CFTR: variants seen among roughly 807,000 people sequenced by gnomAD.
CFTR encodes the protein cystic fibrosis transmembrane conductance regulator.
CFTR carries 181 observed loss-of-function variants against 171.6 expected under a neutral mutation model. The ratio of observed to expected loss-of-function variants is 1.05; its 90% CI spans 0.93 to 1.19. The LOEUF is 1.19. CFTR is among the 50% of genes most tolerant of loss of function. CFTR has a pLI of 0.00. For synonymous variants in CFTR, 583 were observed against 608.0 expected (o/e 0.96, Z 0.60); for missense variants, 1,968 against 1,734.7 (o/e 1.13, Z -2.39).
chr7:117,539,637 G>GAC (rs1322363703), intron 7 of CFTR, among the ~76,000 whole-genome samples: 1 of 151,878 alleles, frequency 6.6e-6, no homozygotes, highest in Admixed American at 6.6e-5. Context: ...GAATCCATTA[G>GAC]ACAATCACAG....
At chr7:117,612,303 A>C (rs1435749350) in intron 20 of CFTR, among the ~76,000 whole-genome samples, 1 of 150,714 alleles carries the variant, frequency 6.6e-6, no homozygotes, top group South Asian at 2.1e-4. Context: ...TTAAATCTCT[A>C]CTAGATAAAA....
intron 11 of CFTR, among the ~76,000 whole-genome samples, chr7:117,565,198 T>C (rs750910551): frequency 2.0e-5 from 3 of 152,350 alleles, no homozygotes; most frequent in South Asian, 2.1e-4. Context: ...TTGTAGCTAT[T>C]GTAAACAGCA....
intron 10 of CFTR, among the ~76,000 whole-genome samples, chr7:117,553,309 A>G (rs939904460): frequency 1.3e-5 from 2 of 152,202 alleles, no homozygotes; most frequent in East Asian, 1.9e-4. Context: ...CTATGATATA[A>G]TGAATCACTA....
At chr7:117,579,844 T>C (rs1459464325) in intron 11 of CFTR, among the ~76,000 whole-genome samples, 2 of 151,824 alleles carry the variant, frequency 1.3e-5, no homozygotes, top group African/African-American at 4.8e-5. Context: ...ATGTAATAAA[T>C]CATGCTTGCT....
chr7:117,515,320 T>G (rs545098251), intron 3 of CFTR, among the ~76,000 whole-genome samples: 1 of 152,298 alleles, frequency 6.6e-6, no homozygotes, highest in Non-Finnish European at 1.5e-5. Flanking sequence ...CTTGAGTTAA[T>G]TTTTGTATAA....
rs143218779 is a variant in CFTR, at chr7:117,559,478, G to T, written c.1407G>T (p.Met469Ile). 7 of 1,604,304 alleles carry T rather than the reference G, an allele frequency of 4.4e-6. No individual in the cohort carries two copies. In the East Asian group the frequency reaches 1.3e-4, roughly 31 times the overall value. The change falls in exon 11 of 27, where the codon ATG (methionine) becomes ATT (isoleucine). Residue 469 changes from methionine (M) to isoleucine (I), a missense_variant. By Grantham distance (10) the Met-to-Ile change is conservative. Transcript: ENST00000003084. ...TTTATTTCCAGACTTCACTTCTAAT[G>T]GTGATTATGGGAGAACTGGAGCCTT... The part of the protein sequence containing the change: ...STGAGKTSLL[M>I]VIMGELEPSE...
At chr7:117,579,519 A>C (rs1407290866) in intron 11 of CFTR, among the ~76,000 whole-genome samples, 4 of 151,884 alleles carry the variant, frequency 2.6e-5, no homozygotes, top group African/African-American at 9.7e-5. Flanking sequence ...ACAGTGCCTG[A>C]CATATAGTAA....
chr7:117,518,371 A>G (rs1483779697), intron 3 of CFTR, among the ~76,000 whole-genome samples: 2 of 147,038 alleles, frequency 1.4e-5, no homozygotes, highest in African/African-American at 4.9e-5. Flanking sequence ...ATTCTAAATA[A>G]ATATATAATA....
At chr7:117,538,343 A>G (rs559254991) in intron 7 of CFTR, among the ~76,000 whole-genome samples, 1 of 152,210 alleles carries the variant, frequency 6.6e-6, no homozygotes, top group Non-Finnish European at 1.5e-5. Context: ...GTCACTTTCA[A>G]TTTTAAAAAT....
At chr7:117,627,240 G>C (rs1792663753) in intron 21 of CFTR, among the ~76,000 whole-genome samples, 1 of 152,032 alleles carries the variant, frequency 6.6e-6, no homozygotes, top group African/African-American at 2.4e-5. Flanking sequence ...TCTCTTTGAT[G>C]TCATCTATTC....
At chr7:117,643,809 T>G (rs1017855420) in intron 23 of CFTR, among the ~76,000 whole-genome samples, 1 of 152,128 alleles carries the variant, frequency 6.6e-6, no homozygotes, top group South Asian at 2.1e-4. Context: ...TAATGAAAAA[T>G]GGTGAATTTT....
Position 117,611,601 on chromosome 7 carries a change from C to T in CFTR, c.3160C>T (p.His1054Tyr), listed in dbSNP as rs397508510. 3.1e-6 allele frequency: 5 copies of T among 1,610,310 alleles called. No individual in the cohort carries two copies. The highest frequency in any genetic ancestry group is 2.2e-5 in the East Asian group (1 of 44,840). Residue 1054 changes from histidine (H) to tyrosine (Y), a missense_variant, in exon 20 of 27, where the codon CAT (histidine) becomes TAT (tyrosine). By Grantham distance (83) the His-to-Tyr change is moderately conservative. Coordinates refer to ENST00000003084, the MANE Select transcript of CFTR (RefSeq NM_000492.4). ...CACAGGCAGGAGTCCAATTTTCACT[C>T]ATCTTGTTACAAGCTTAAAAGGACT... is the stretch of plus-strand genomic sequence containing the variant. The part of the protein sequence containing the change: ...ESEGRSPIFT[H>Y]LVTSLKGLWT...
rs182128048 is a variant in CFTR, at chr7:117,622,235, A to G, written c.3469-5287A>G. On this transcript the variant is annotated intron_variant, in intron 21 of 26. Coordinates refer to ENST00000003084, the MANE Select transcript of CFTR (RefSeq NM_000492.4). ...GACTGACTTTTTATGTGCTCTAGTC[A>G]TGTAAGTAATAGATGTGGAAACATA... 5.4e-4 allele frequency among the ~76,000 whole-genome samples: 82 copies of G among 152,306 alleles called. No homozygotes were observed. In the South Asian group the frequency reaches 0.015, roughly 28 times the overall value.
chr7:117,487,966 G>A (rs1344443771), intron 1 of CFTR: 1 of 152,136 alleles, frequency 6.6e-6, no homozygotes, highest in Non-Finnish European at 1.5e-5. Context: ...AGGAAGCAAG[G>A]TGGAGAAACT....
intron 15 of CFTR, among the ~76,000 whole-genome samples, chr7:117,601,246 T>C (rs1374049430): frequency 6.6e-6 from 1 of 152,102 alleles, no homozygotes; most frequent in Non-Finnish European, 1.5e-5. Context: ...AATACACTTT[T>C]GTGCTAGAAC....
intron 11 of CFTR, among the ~76,000 whole-genome samples, chr7:117,571,005 AT>A (rs1332802558): frequency 6.6e-6 from 1 of 152,126 alleles, no homozygotes; most frequent in African/African-American, 2.4e-5. Flanking sequence ...AAGTCAGGAA[AT>A]TTTTTTCCAG....
At chr7:117,530,815 G>C (rs1798846542) in intron 3 of CFTR, 84 bp from the exon 4 acceptor site, 2 of 913,068 alleles carry the variant, frequency 2.2e-6, no homozygotes, top group Non-Finnish European at 3.5e-6. Flanking sequence ...CTCCTCTAAA[G>C]ATGAAAAGTC....
At chr7:117,645,546 C>A (rs974592174) in intron 23 of CFTR, among the ~76,000 whole-genome samples, 2 of 152,192 alleles carry the variant, frequency 1.3e-5, no homozygotes, top group Non-Finnish European at 2.9e-5. Flanking sequence ...GCTACTCCCC[C>A]ACATCAGTCA....
intron 3 of CFTR, among the ~76,000 whole-genome samples, chr7:117,522,837 A>T (rs911285545): frequency 1.3e-5 from 2 of 149,682 alleles, no homozygotes; most frequent in South Asian, 2.1e-4. Context: ...TTTTCCAAAT[A>T]AAAAAAAAAT....
Sources: allele counts gnomAD v4.1 joint callset (sites outside exome capture counted in the v4.1 genomes callset), GRCh38; gene constraint gnomAD v4.1.1; transcripts MANE v1.5; gene names NCBI Gene and HGNC (gene_info 2026-07-23, HGNC 2026-07-21).